Variants in CD47 observed in about 807,000 individuals in gnomAD.
CD47 encodes leukocyte surface antigen CD47.
In CD47, 11 loss-of-function variants were observed where a neutral mutation model predicts 44.6. The observed-to-expected ratio is 0.25, with a 90% confidence interval of 0.16 to 0.41. CD47 has a LOEUF of 0.41. CD47 is among the 10% of genes least tolerant of loss of function. The pLI is 1.00. For missense variants in CD47, 306 were observed against 386.7 expected (o/e 0.79, Z 1.75); for synonymous variants, 140 against 136.3 (o/e 1.03, Z -0.19).
At chr3:108,081,981 T>C (rs1215816789) in intron 1 of CD47, among the ~76,000 whole-genome samples, 6 of 151,980 alleles carry the variant, frequency 3.9e-5, no homozygotes, top group Non-Finnish European at 8.8e-5. Context: ...AGGCAAAACC[T>C]GGACTTCCGT....
chr3:108,078,175 T>A (rs557007029), intron 2 of CD47, among the ~76,000 whole-genome samples: 2 of 152,210 alleles, frequency 1.3e-5, no homozygotes, highest in Admixed American at 1.3e-4. Flanking sequence ...AAAATTAAAA[T>A]GGATGCAAAG....
At chr3:108,069,303 A>AAAGTAGAAC (rs2079155010) in intron 3 of CD47, among the ~76,000 whole-genome samples, 2 of 152,224 alleles carry the variant, frequency 1.3e-5, no homozygotes. Flanking sequence ...TGCATCCACA[A>AAAGTAGAAC]AAGTAGAACA....
chr3:108,080,451 C>G, intron 1 of CD47, 107 bp from the exon 2 acceptor site: 1 of 627,434 alleles, frequency 1.6e-6, no homozygotes, highest in Non-Finnish European at 2.8e-6. Context: ...CCATTGTTCA[C>G]TTAAGTAAAC....
chr3:108,069,209 T>C (rs2079153769), intron 3 of CD47, among the ~76,000 whole-genome samples: 1 of 152,168 alleles, frequency 6.6e-6, no homozygotes, highest in Non-Finnish European at 1.5e-5. Context: ...AGGCTTCATA[T>C]CTTTAGCAGA....
At chr3:108,068,166 T>C (rs553468390) in intron 3 of CD47, among the ~76,000 whole-genome samples, 76 of 152,322 alleles carry the variant, frequency 5.0e-4, no homozygotes, top group African/African-American at 1.2e-3. Context: ...CTAAAAAATA[T>C]ACATCTAAGC....
At chr3:108,055,700 C>T (rs1273064565) in intron 7 of CD47, 2 of 405,428 alleles carry the variant, frequency 4.9e-6, no homozygotes, top group East Asian at 1.5e-4. Flanking sequence ...ATATGCTAAC[C>T]TATGACAAAG....
chr3:108,071,759 A>G (rs537925714), intron 2 of CD47, among the ~76,000 whole-genome samples: 1 of 152,202 alleles, frequency 6.6e-6, no homozygotes, highest in Non-Finnish European at 1.5e-5. Flanking sequence ...TGTACCTTCA[A>G]GTAACAATGA....
chr3:108,067,334 T>C (rs2079120592), intron 3 of CD47, among the ~76,000 whole-genome samples: 1 of 152,248 alleles, frequency 6.6e-6, no homozygotes, highest in South Asian at 2.1e-4. Flanking sequence ...GTTTATGGTC[T>C]TGCGGTTTTG....
chr3:108,052,667 T>G (rs1417503495), intron 7 of CD47: 2 of 152,122 alleles, frequency 1.3e-5, no homozygotes, highest in Non-Finnish European at 2.9e-5. Flanking sequence ...AAAAAACAAA[T>G]GAGAAGGCTG....
rs773085779 is a variant in CD47 at position 108,047,239 on chromosome 3, CT to C, written c.*48del. The C allele has an allele frequency of 6.5e-7, 1 of 1,549,348 alleles. No individual in the cohort carries two copies. The highest frequency in any genetic ancestry group is 1.7e-4 in the Middle Eastern group (1 of 5,920). ...ATGGTGCTTAAACACAAGTGTATTCCTTTCACGTCTTACTACTCTCCAAATC... is the reference window on the plus strand; with the variant it reads ...ATGGTGCTTAAACACAAGTGTATTCCTTCACGTCTTACTACTCTCCAAATC... On this transcript the variant is annotated 3_prime_UTR_variant, in exon 11 of 11. Coordinates refer to ENST00000361309, the MANE Select transcript of CD47 (RefSeq NM_001777.4).
At chr3:108,049,133 T>A (rs1001488998) in intron 10 of CD47, among the ~76,000 whole-genome samples, 1 of 113,402 alleles carries the variant, frequency 8.8e-6, no homozygotes, top group Non-Finnish European at 1.9e-5. Flanking sequence ...TCTCTCTCTC[T>A]CTCTCTCTCT....
At chr3:108,087,519 T>C (rs1156518692) in intron 1 of CD47, among the ~76,000 whole-genome samples, 1 of 152,132 alleles carries the variant, frequency 6.6e-6, no homozygotes, top group Non-Finnish European at 1.5e-5. Flanking sequence ...TCTTAAGTCA[T>C]TAAGAGACAT....
chr3:108,090,892 G>A lies in CD47; in HGVS notation c.17C>T (p.Ala6Val). 6.7e-7 allele frequency: 1 copy of A among 1,489,704 alleles called. No individual in the cohort carries two copies. Among genetic ancestry groups the A allele is most frequent in the Non-Finnish European group, 8.9e-7 (1 of 1,125,520 alleles). The allele number at this position is 1,489,704 out of a possible 1,614,324, so 92.3% of individuals were successfully genotyped here. Residue 6 changes from alanine to valine, a missense_variant, in exon 1 of 11, where the codon GCG (alanine) becomes GTG (valine). Ala to Val is a moderately conservative substitution (Grantham distance 64). Coordinates refer to ENST00000361309, the MANE Select transcript of CD47 (RefSeq NM_001777.4). The part of the protein sequence containing the change: MWPLV[A>V]ALLLGSACCG... ...GCACGCCGAGCCCAGCAACAGCGCC[G>A]CTACCAGGGGCCACATCTCCGCGCC...
Position 108,080,145 on chromosome 3 carries a change from A to G in CD47, c.246T>C (p.Ser82=). 1 of 1,613,100 alleles carries G rather than the reference A, an allele frequency of 6.2e-7. No homozygotes were observed. The highest frequency in any genetic ancestry group is 8.5e-7 in the Non-Finnish European group (1 of 1,179,226). ...LNKSTVPTDF[S]SAKIEVSQLL... ...ATTGTGAGACTTCAATTTTTGCACT[A>G]CTAAAGTCAGTGGGGACAGTGGACT... Residue 82 remains serine, a synonymous_variant, in exon 2 of 11, where the codon AGT becomes AGC. Transcript: ENST00000361309.
intron 3 of CD47, among the ~76,000 whole-genome samples, chr3:108,068,921 A>C (rs1281156615): frequency 6.6e-6 from 1 of 152,162 alleles, no homozygotes; most frequent in Non-Finnish European, 1.5e-5. Context: ...AAAAATTCCC[A>C]CCAAAATATT....
In CD47 at chr3:108,065,575, G is replaced by A. The variant is rs377764809; in HGVS notation, c.491-4723C>T. Among the ~76,000 whole-genome samples, 18 of 152,162 alleles carry A rather than the reference G, an allele frequency of 1.2e-4. No homozygotes were observed. The East Asian group carries it at 3.3e-3, about 28-fold the overall frequency. On this transcript the variant is annotated intron_variant, in intron 3 of 10. Coordinates refer to ENST00000361309, the MANE Select transcript of CD47 (RefSeq NM_001777.4). ...TGCCTGTAATCTCAGCACTTTGGGA[G>A]GCCGAGACAGACGGATCACGAGGTC...
chr3:108,050,678 C>T (rs2078811088), intron 8 of CD47, 76 bp from the exon 9 acceptor site: 8 of 563,708 alleles, frequency 1.4e-5, no homozygotes, highest in East Asian at 9.8e-5. Context: ...CTTATATATG[C>T]TAATATTTAA....
chr3:108,051,932 A>C lies in CD47; in HGVS notation c.909+7T>G. ...ATTCACAATTCATTTAATAAACTTT[A>C]ACTTACCCTAGGAGGTTGTATAGTC... On this transcript the variant is annotated splice_region_variant and intron_variant, in intron 8 of 10. Transcript: ENST00000361309. The C allele has an allele frequency of 6.7e-7, 1 of 1,501,222 alleles. No individual in the cohort carries two copies. The highest frequency in any genetic ancestry group is 9.3e-7 in the Non-Finnish European group (1 of 1,079,774). 93.0% of individuals were successfully genotyped at this position (1,501,222 alleles called of 1,614,324 possible). A position where few individuals can be genotyped will look rare whatever the true frequency, so the allele number is the denominator to read the frequency against.
chr3:108,049,329 TAC>T (rs1271199913), intron 10 of CD47, among the ~76,000 whole-genome samples: 1 of 152,244 alleles, frequency 6.6e-6, no homozygotes, highest in Non-Finnish European at 1.5e-5. Context: ...ATCTTAAAGT[TAC>T]AGTCACCAGA....
Sources: gnomAD v4.1 joint callset for allele counts (sites outside exome capture counted in the v4.1 genomes callset) on GRCh38, gnomAD v4.1.1 for gene constraint, MANE v1.5 for transcripts, NCBI Gene and HGNC (gene_info 2026-07-23, HGNC 2026-07-21) for gene names.